The following ERO1A variants were observed in gnomAD, a reference collection of about 807,000 sequenced individuals.
ERO1A encodes the protein endoplasmic reticulum oxidoreductase 1 alpha.
A neutral mutation model predicts 76.9 loss-of-function variants in ERO1A; 49 were observed. The ratio of observed to expected loss-of-function variants is 0.64; its 90% CI spans 0.51 to 0.81. The LOEUF is 0.81. ERO1A is among the 30% of genes least tolerant of loss of function. ERO1A has a pLI of 0.00. For missense variants in ERO1A, 448 were observed against 542.1 expected (o/e 0.83, Z 1.72); for synonymous variants, 174 against 181.2 (o/e 0.96, Z 0.32).
At chr14:52,693,873 G>A (rs1377704368) in intron 1 of ERO1A, among the ~76,000 whole-genome samples, 1 of 152,082 alleles carries the variant, frequency 6.6e-6, no homozygotes, top group Non-Finnish European at 1.5e-5. Context: ...AAAAGAAAGG[G>A]GTTTAACAGA....
chr14:52,682,443 T>A (rs1190202493), intron 2 of ERO1A, 35 bp from the exon 3 acceptor site: 2 of 1,457,586 alleles, frequency 1.4e-6, no homozygotes, highest in African/African-American at 2.9e-5. Context: ...ATTATAAAAA[T>A]CAGAATCCCA....
intron 15 of ERO1A, among the ~76,000 whole-genome samples, 171 bp downstream of exon 15, chr14:52,645,983 C>G (rs914229804): frequency 2.6e-4 from 40 of 152,086 alleles, no homozygotes; most frequent in Non-Finnish European, 5.7e-4. Context: ...TCGCAGTGAG[C>G]CGAGATCACG....
At chr14:52,695,187 G>A (rs2041509685) in intron 1 of ERO1A, among the ~76,000 whole-genome samples, 181 bp downstream of exon 1, 1 of 152,194 alleles carries the variant, frequency 6.6e-6, no homozygotes, top group African/African-American at 2.4e-5. Context: ...GGCTGCCGTG[G>A]AGGCCCGGTC....
chr14:52,670,542 G>A (rs78704826), intron 6 of ERO1A, among the ~76,000 whole-genome samples: 5 of 152,134 alleles, frequency 3.3e-5, no homozygotes, highest in African/African-American at 9.7e-5. Flanking sequence ...ACTGTGCCAC[G>A]ATCAGAGTTT....
At chr14:52,648,148 C>T (rs1275871456) in intron 13 of ERO1A, among the ~76,000 whole-genome samples, 1 of 151,938 alleles carries the variant, frequency 6.6e-6, no homozygotes, top group East Asian at 1.9e-4. Flanking sequence ...ATAATATTCT[C>T]TATCTTGGTT....
intron 13 of ERO1A, among the ~76,000 whole-genome samples, chr14:52,651,965 T>C (rs1487626567): frequency 2.0e-5 from 3 of 151,538 alleles, no homozygotes; most frequent in African/African-American, 7.3e-5. Flanking sequence ...CCCCAGCCTG[T>C]GGTAACCATC....
intron 1 of ERO1A, among the ~76,000 whole-genome samples, chr14:52,693,202 C>T (rs191463837): frequency 5.9e-5 from 9 of 152,182 alleles, no homozygotes; most frequent in Admixed American, 3.9e-4. Flanking sequence ...TCATGGCTTA[C>T]TGCAGCCTCG....
Position 52,640,896 on chromosome 14 carries a change from G to T in ERO1A, c.*2674C>A, listed in dbSNP as rs2039446975. 6.6e-6 allele frequency: 1 copy of T among 152,082 alleles called. No individual in the cohort carries two copies. Among genetic ancestry groups the T allele is most frequent in the Admixed American group, 6.6e-5 (1 of 15,258 alleles). The allele number at this position is 152,082 out of a possible 1,614,324, so 9.4% of individuals were successfully genotyped here. A position where few individuals can be genotyped will look rare whatever the true frequency, so the allele number is the denominator to read the frequency against. On this transcript the variant is annotated 3_prime_UTR_variant, in exon 16 of 16. Transcript: ENST00000395686. Reference sequence around the variant, plus strand: ...TGGGACAACCAAGAAAAGTGCAACAGGCAGATGGATTGAGGAGTCTGGCTA... The same window carrying T: ...TGGGACAACCAAGAAAAGTGCAACATGCAGATGGATTGAGGAGTCTGGCTA...
intron 6 of ERO1A, 57 bp downstream of exon 6, chr14:52,671,573 C>CT (rs942714426): frequency 4.5e-4 from 584 of 1,284,878 alleles, no homozygotes; most frequent in Non-Finnish European, 5.5e-4. Context: ...TAATTAAAAA[C>CT]TTTTTTTTTC....
chr14:52,647,815 T>C (rs1488619660), intron 13 of ERO1A, among the ~76,000 whole-genome samples: 2 of 152,130 alleles, frequency 1.3e-5, no homozygotes, highest in Non-Finnish European at 2.9e-5. Flanking sequence ...GACATACATC[T>C]CAGATAGAAC....
At chr14:52,675,105 C>A (rs1329044890) in intron 4 of ERO1A, among the ~76,000 whole-genome samples, 2 of 152,016 alleles carry the variant, frequency 1.3e-5, no homozygotes, top group East Asian at 3.9e-4. Flanking sequence ...GAATCTAGGC[C>A]GGGCACGGTG....
intron 15 of ERO1A, among the ~76,000 whole-genome samples, chr14:52,645,026 T>C (rs2039598386): frequency 6.6e-6 from 1 of 152,180 alleles, no homozygotes; most frequent in Non-Finnish European, 1.5e-5. Flanking sequence ...TACTTAAATA[T>C]TTTAATGTAA....
chr14:52,693,154 TCTCA>T (rs1177852905), intron 1 of ERO1A, among the ~76,000 whole-genome samples: 3 of 152,174 alleles, frequency 2.0e-5, no homozygotes, highest in East Asian at 3.9e-4. Flanking sequence ...TGAGGCAGAC[TCTCA>T]CTTTGTCACA....
At chr14:52,657,871 T>A (rs781377444) in intron 11 of ERO1A, 46 bp downstream of exon 11, 1 of 1,336,830 alleles carries the variant, frequency 7.5e-7, no homozygotes, top group African/African-American at 1.5e-5. Flanking sequence ...TTTAAGAATA[T>A]CTAAAATTAA....
At chr14:52,663,595 A>G (rs896698611) in intron 8 of ERO1A, among the ~76,000 whole-genome samples, 4 of 149,956 alleles carry the variant, frequency 2.7e-5, no homozygotes, top group African/African-American at 9.9e-5. Context: ...GCGAGACTCC[A>G]TCTCAAAAAA....
chr14:52,666,867 G>T (rs950720752), intron 6 of ERO1A, among the ~76,000 whole-genome samples: 1 of 152,212 alleles, frequency 6.6e-6, no homozygotes, highest in African/African-American at 2.4e-5. Context: ...GGAGGCGGAG[G>T]TTGCAGTGAG....
At chr14:52,659,500 C>T (rs1450260618) in intron 9 of ERO1A, among the ~76,000 whole-genome samples, 1 of 152,224 alleles carries the variant, frequency 6.6e-6, no homozygotes, top group East Asian at 1.9e-4. Context: ...CTGCTACTTA[C>T]AAATCATATT....
chr14:52,653,722 G>C (rs2039952823), intron 11 of ERO1A, among the ~76,000 whole-genome samples: 1 of 151,712 alleles, frequency 6.6e-6, no homozygotes, highest in Non-Finnish European at 1.5e-5. Context: ...CAATTAAGTT[G>C]CTATTGATTA....
chr14:52,645,237 C>T (rs987090300), intron 15 of ERO1A, among the ~76,000 whole-genome samples: 2 of 149,866 alleles, frequency 1.3e-5, no homozygotes, highest in Non-Finnish European at 3.0e-5. Context: ...TGTACAAATT[C>T]GATAAGATGA....
Sources: gnomAD v4.1 joint callset for allele counts (sites outside exome capture counted in the v4.1 genomes callset) on GRCh38, gnomAD v4.1.1 for gene constraint, MANE v1.5 for transcripts, NCBI Gene and HGNC (gene_info 2026-07-23, HGNC 2026-07-21) for gene names.